The following ROBO1 variants were observed in gnomAD, a reference collection of about 807,000 sequenced individuals.
ROBO1 encodes roundabout homolog 1.
In ROBO1, 149 loss-of-function variants were observed where a neutral mutation model predicts 195.9. The ratio of observed to expected loss-of-function variants is 0.76; its 90% CI spans 0.67 to 0.87. The LOEUF (loss-of-function observed/expected upper bound fraction) is 0.87. Among genes scored for constraint, ROBO1 ranks in the 40% least tolerant of loss-of-function variants. The probability of loss-of-function intolerance (pLI) is 0.00; values close to 1 mark genes in which losing one functional copy is unlikely to be tolerated. For synonymous variants in ROBO1, 816 were observed against 733.2 expected, an observed-to-expected ratio of 1.11 and a Z score of -1.82; for missense variants, 1,933 against 2,068.3, an observed-to-expected ratio of 0.93 and a Z score of 1.27.
intron 2 of ROBO1, among the ~76,000 whole-genome samples, chr3:79,470,200 C>T (rs1321515090): frequency 6.6e-6 from 1 of 152,024 alleles, no homozygotes; most frequent in Non-Finnish European, 1.5e-5. Flanking sequence ...GAAAATGTGG[C>T]ACATATACAC....
intron 1 of ROBO1, among the ~76,000 whole-genome samples, chr3:79,744,770 A>T (rs17380584): frequency 0.24 from 36,942 of 152,098 alleles, 4,721 homozygotes; most frequent in East Asian, 0.33. Flanking sequence ...GGGATGTGTG[A>T]AGAAAAATAA....
chr3:78,684,697 A>G (rs1473769333), intron 10 of ROBO1, among the ~76,000 whole-genome samples: 1 of 152,130 alleles, frequency 6.6e-6, no homozygotes, highest in Non-Finnish European at 1.5e-5. Context: ...ATGGATTAAA[A>G]AGATTATTGA....
At chr3:79,004,551 A>T (rs1474033290) in intron 3 of ROBO1, among the ~76,000 whole-genome samples, 3 of 152,140 alleles carry the variant, frequency 2.0e-5, no homozygotes, top group Admixed American at 2.0e-4. Context: ...AATACATCAA[A>T]TCTATCCTGG....
At chr3:78,715,821 C>T (rs2081889291) in intron 7 of ROBO1, among the ~76,000 whole-genome samples, 1 of 152,184 alleles carries the variant, frequency 6.6e-6, no homozygotes, top group Non-Finnish European at 1.5e-5. Context: ...CAGGTGTGTG[C>T]CACTGGGCCC....
intron 4 of ROBO1, chr3:78,938,383 T>C (rs1390311480): frequency 2.1e-6 from 1 of 474,074 alleles, no homozygotes; most frequent in African/African-American, 2.0e-5. Context: ...AAAAGTCAAA[T>C]TGTTAACCAA....
chr3:78,749,299 T>G (rs1432721857), intron 4 of ROBO1, among the ~76,000 whole-genome samples: 1 of 152,170 alleles, frequency 6.6e-6, no homozygotes, highest in African/African-American at 2.4e-5. Context: ...AGCTGAATCA[T>G]TTCTCAAACC....
At chr3:79,438,994 C>G (rs1255497451) in intron 2 of ROBO1, among the ~76,000 whole-genome samples, 1 of 151,922 alleles carries the variant, frequency 6.6e-6, no homozygotes, top group Non-Finnish European at 1.5e-5. Flanking sequence ...TCTTTGGGAG[C>G]TTAGAAACCT....
At chr3:78,921,367 A>C (rs2038930573) in intron 4 of ROBO1, among the ~76,000 whole-genome samples, 2 of 152,180 alleles carry the variant, frequency 1.3e-5, no homozygotes, top group Admixed American at 1.3e-4. Context: ...TCCATAGCAT[A>C]AGTACCCTCT....
intron 2 of ROBO1, among the ~76,000 whole-genome samples, chr3:79,357,495 A>T (rs12639058): frequency 0.055 from 8,365 of 152,214 alleles, 285 homozygotes; most frequent in East Asian, 0.14. Context: ...TTTATATAGA[A>T]TTTAGTTATA....
chr3:78,699,590 ATAT>A (rs1559759947), intron 8 of ROBO1, among the ~76,000 whole-genome samples: 2 of 149,980 alleles, frequency 1.3e-5, no homozygotes, highest in Non-Finnish European at 3.0e-5. Flanking sequence ...AATAATAATA[ATAT>A]TAATAATAAT....
intron 2 of ROBO1, among the ~76,000 whole-genome samples, chr3:79,157,048 G>C (rs1016071878): frequency 6.6e-6 from 1 of 151,788 alleles, no homozygotes; most frequent in Non-Finnish European, 1.5e-5. Context: ...TCATTTTCAT[G>C]ACCACCATTT....
intron 3 of ROBO1, among the ~76,000 whole-genome samples, chr3:79,042,517 T>G (rs574912808): frequency 2.6e-5 from 4 of 152,058 alleles, no homozygotes; most frequent in Admixed American, 1.3e-4. Context: ...AGAGAATAAT[T>G]TTGCTTTGTA....
chr3:78,794,512 T>C (rs2084125400), intron 4 of ROBO1, among the ~76,000 whole-genome samples: 1 of 152,200 alleles, frequency 6.6e-6, no homozygotes, highest in African/African-American at 2.4e-5. Context: ...TTACAAGGCA[T>C]ACTAACAACC....
chr3:79,547,061 T>G (rs1318639695), intron 2 of ROBO1, among the ~76,000 whole-genome samples: 1 of 151,448 alleles, frequency 6.6e-6, no homozygotes, highest in East Asian at 2.0e-4. Context: ...GGCGGGTGCC[T>G]CTAGTCCCAG....
chr3:79,656,689 G>C (rs1946174438), intron 1 of ROBO1, among the ~76,000 whole-genome samples: 2 of 151,912 alleles, frequency 1.3e-5, no homozygotes, highest in African/African-American at 2.4e-5. Context: ...GAACCCAGGA[G>C]TTTGAGACGA....
rs115601311 is a variant in ROBO1, at chr3:78,848,415, C to T, written c.499+90186G>A. On this transcript the variant is annotated intron_variant, in intron 4 of 30. Transcript: ENST00000464233. ...CTGAGGATAAGGTAGTGAACAAAGG[C>T]GTCTCTGCTGTCATGGTGATAAGTA... 7.5e-3 allele frequency among the ~76,000 whole-genome samples: 1,148 copies of T among 152,194 alleles called. 14 individuals carry two copies. Among genetic ancestry groups the T allele is most frequent in the African/African-American group, 0.026 (1,094 of 41,528 alleles).
chr3:79,666,802 A>T (rs114358800), intron 1 of ROBO1, among the ~76,000 whole-genome samples: 1 of 151,912 alleles, frequency 6.6e-6, no homozygotes, highest in African/African-American at 2.4e-5. Context: ...CTCACCATCT[A>T]TGATTTTAGA....
At chr3:79,312,599 G>A (rs973912629) in intron 2 of ROBO1, among the ~76,000 whole-genome samples, 1 of 152,086 alleles carries the variant, frequency 6.6e-6, no homozygotes, top group East Asian at 1.9e-4. Flanking sequence ...GATCTATCCC[G>A]GTGGAATTTG....
chr3:78,774,726 G>T (rs1296367310), intron 4 of ROBO1, among the ~76,000 whole-genome samples: 3 of 152,150 alleles, frequency 2.0e-5, no homozygotes, highest in Non-Finnish European at 2.9e-5. Flanking sequence ...TGTTCAAATT[G>T]TGTCCCTTCT....
Sources: allele counts gnomAD v4.1 joint callset (sites outside exome capture counted in the v4.1 genomes callset), GRCh38; gene constraint gnomAD v4.1.1; transcripts MANE v1.5; gene names NCBI Gene and HGNC (gene_info 2026-07-23, HGNC 2026-07-21).